LRRC18: variants seen among roughly 807,000 people sequenced by gnomAD.
The protein encoded by LRRC18 is leucine rich repeat containing 18.
LRRC18 carries 12 observed loss-of-function variants against 11.2 expected under a neutral mutation model. The observed-to-expected ratio is 1.07, with a 90% CI of 0.69 to 1.74. The LOEUF (loss-of-function observed/expected upper bound fraction) is 1.74, where lower values mean the gene tolerates loss of function less well. LRRC18 is among the 40% of genes most tolerant of loss of function. LRRC18 has a pLI of 0.00. For synonymous variants in LRRC18, 155 were observed against 130.6 expected (o/e 1.19, Z -1.27); for missense variants, 374 against 330.5 (o/e 1.13, Z -1.02).
the LRRC18 span, among the ~76,000 whole-genome samples, chr10:48,921,577 A>G: frequency 3.8e-4 from 55 of 143,182 alleles, no homozygotes; most frequent in African/African-American, 1.0e-3. Flanking sequence ...GATAGTATTA[A>G]TAAGTTGAAC....
the LRRC18 span, among the ~76,000 whole-genome samples, chr10:48,923,821 T>C: frequency 1.3e-5 from 2 of 152,084 alleles, no homozygotes; most frequent in Non-Finnish European, 2.9e-5. Context: ...TTCTACTATC[T>C]AAGATAAAAT....
At chr10:48,922,961 A>G in the LRRC18 span, among the ~76,000 whole-genome samples, 1 of 152,222 alleles carries the variant, frequency 6.6e-6, no homozygotes, top group Non-Finnish European at 1.5e-5. Flanking sequence ...CCTGACAGTG[A>G]TGGTGGTTAC....
At chr10:48,930,349 G>A in the LRRC18 span, among the ~76,000 whole-genome samples, 1 of 152,188 alleles carries the variant, frequency 6.6e-6, no homozygotes, top group Non-Finnish European at 1.5e-5. Flanking sequence ...ATATTTGTTG[G>A]TCACTGAGTG....
chr10:48,921,074 G>T, the LRRC18 span, among the ~76,000 whole-genome samples: 57 of 152,166 alleles, frequency 3.7e-4, 1 homozygote, highest in Non-Finnish European at 8.1e-4. Context: ...CCCCAAATTG[G>T]TCTAATCAAA....
the LRRC18 span, among the ~76,000 whole-genome samples, chr10:48,925,402 C>A: frequency 2.0e-5 from 3 of 152,186 alleles, no homozygotes; most frequent in Admixed American, 1.3e-4. Context: ...GGGCAGGCCG[C>A]TGAAATCAGC....
At chr10:48,919,074 A>C (rs898772863), upstream of LRRC18, among the ~76,000 whole-genome samples, 14 of 152,242 alleles carry the variant, frequency 9.2e-5, no homozygotes, top group African/African-American at 3.1e-4. Flanking sequence ...ATTTTGGGTC[A>C]TGAAACAAGC....
At chr10:48,923,574 A>G in the LRRC18 span, among the ~76,000 whole-genome samples, 1 of 148,852 alleles carries the variant, frequency 6.7e-6, no homozygotes, top group South Asian at 2.2e-4. Context: ...GGCCTAAACA[A>G]TCAGTAAATT....
the LRRC18 span, among the ~76,000 whole-genome samples, chr10:48,926,425 A>T: frequency 1.6e-4 from 24 of 152,310 alleles, no homozygotes; most frequent in East Asian, 4.6e-3. Context: ...AGTCTGCTAA[A>T]TGAAGGATGG....
At chr10:48,916,433 C>A (rs1838540520), upstream of LRRC18, among the ~76,000 whole-genome samples, 1 of 152,162 alleles carries the variant, frequency 6.6e-6, no homozygotes, top group Admixed American at 6.5e-5. Context: ...CACCCTGTAT[C>A]CCTGGAGTCA....
At chr10:48,912,029 T>G (rs11101560) in intron 1 of LRRC18, among the ~76,000 whole-genome samples, 219 of 152,278 alleles carry the variant, frequency 1.4e-3, no homozygotes, top group Middle Eastern at 6.8e-3. Context: ...CTCAGCAAAC[T>G]TGCCAACAAC....
At chr10:48,909,800 C>T (rs1036769439) in exon 2 of LRRC18, 6 of 160,708 alleles carry the variant, frequency 3.7e-5, no homozygotes, top group South Asian at 3.6e-4. Context: ...GATCAAATCT[C>T]AACATGAGGT....
chr10:48,910,313 C>T (rs972662816), intron 1 of LRRC18, 55 bp from the exon 4 acceptor site: 3 of 1,530,398 alleles, frequency 2.0e-6, no homozygotes, highest in Non-Finnish European at 2.7e-6. Flanking sequence ...CAGAGGCAAA[C>T]ACAGCAAGGG....
chr10:48,921,062 C>A, the LRRC18 span, among the ~76,000 whole-genome samples: 1 of 152,102 alleles, frequency 6.6e-6, no homozygotes, highest in Non-Finnish European at 1.5e-5. Flanking sequence ...AATGTCAACT[C>A]TCCCCAAATT....
the LRRC18 span, among the ~76,000 whole-genome samples, chr10:48,930,113 T>C: frequency 3.2e-3 from 487 of 152,194 alleles, 6 homozygotes; most frequent in African/African-American, 0.011. Flanking sequence ...TCAATACTAG[T>C]TTAATAGATA....
chr10:48,923,083 C>T, the LRRC18 span, among the ~76,000 whole-genome samples: 1 of 152,190 alleles, frequency 6.6e-6, no homozygotes, highest in Non-Finnish European at 1.5e-5. Context: ...ATAGTTGGGA[C>T]TCCATATTCT....
upstream of LRRC18, among the ~76,000 whole-genome samples, chr10:48,918,750 G>C (rs914212005): frequency 1.5e-5 from 1 of 68,062 alleles, no homozygotes; most frequent in Non-Finnish European, 3.9e-5. Context: ...TTGTCAGCAG[G>C]GGGTAGGATG....
At chr10:48,933,083 G>A in the LRRC18 span, among the ~76,000 whole-genome samples, 216 of 152,280 alleles carry the variant, frequency 1.4e-3, no homozygotes, top group African/African-American at 4.9e-3. Context: ...GGCAGGAGAA[G>A]AGGGGAGTCT....
the LRRC18 span, among the ~76,000 whole-genome samples, chr10:48,926,254 G>A: frequency 1.3e-4 from 20 of 152,302 alleles, 1 homozygote; most frequent in African/African-American, 4.8e-4. Context: ...GCCCCTCCAT[G>A]GCCCCAGGCC....
the LRRC18 span, among the ~76,000 whole-genome samples, chr10:48,920,438 G>A: frequency 3.9e-5 from 6 of 152,036 alleles, no homozygotes; most frequent in East Asian, 1.2e-3. Flanking sequence ...AATGGGTGCA[G>A]CACACCAACA....
Sources: allele counts gnomAD v4.1 joint callset (sites outside exome capture counted in the v4.1 genomes callset), GRCh38; gene constraint gnomAD v4.1.1; transcripts MANE v1.5; gene names NCBI Gene and HGNC (gene_info 2026-07-23, HGNC 2026-07-21).